The following CSMD1 variants were observed in gnomAD, a reference collection of about 807,000 sequenced individuals.
CSMD1 encodes CUB and Sushi multiple domains 1.
Under a neutral mutation model 417.5 loss-of-function variants are expected in CSMD1, and 213 were observed. That is an observed-to-expected ratio of 0.51 (90% confidence interval 0.46 to 0.57). The LOEUF (loss-of-function observed/expected upper bound fraction) is 0.57. Ranked by LOEUF, CSMD1 falls within the 20% of genes least tolerant of loss-of-function variation. The probability of loss-of-function intolerance (pLI) is 0.00; values close to 1 mark genes in which losing one functional copy is unlikely to be tolerated. For synonymous variants in CSMD1, 2,862 were observed against 1,736.8 expected (o/e 1.65, Z -16.11); for missense variants, 6,923 against 4,529.7 (o/e 1.53, Z -15.17).
intron 3 of CSMD1, among the ~76,000 whole-genome samples, chr8:4,247,794 G>A (rs1292096877): frequency 6.6e-6 from 1 of 152,106 alleles, no homozygotes; most frequent in African/African-American, 2.4e-5. Flanking sequence ...AAAAAGTACT[G>A]TGGGAGCCAA....
In CSMD1 at chr8:4,939,631, A is replaced by G. The variant is rs148780293; in HGVS notation, c.85+54701T>C. On this transcript the variant is annotated intron_variant, in intron 1 of 69. Coordinates refer to ENST00000635120, the MANE Select transcript of CSMD1 (RefSeq NM_033225.6). ...AGCCGAGAGTAGAACGGCCATTAAC[A>G]AGGGCTGGGGGTGAGTGGGAAGGAA... Among the ~76,000 whole-genome samples the G allele has an allele frequency of 5.5e-3, 831 of 152,040 alleles. 7 individuals carry two copies. Among genetic ancestry groups the G allele is most frequent in the African/African-American group, 0.019 (795 of 41,526 alleles).
intron 3 of CSMD1, among the ~76,000 whole-genome samples, chr8:4,320,433 C>A (rs559051358): frequency 6.6e-6 from 1 of 152,100 alleles, no homozygotes; most frequent in East Asian, 1.9e-4. Flanking sequence ...TAGGTAGACA[C>A]GTGCCATGAT....
At chr8:4,623,684 G>A (rs763782817) in intron 2 of CSMD1, among the ~76,000 whole-genome samples, 11 of 152,020 alleles carry the variant, frequency 7.2e-5, no homozygotes, top group Non-Finnish European at 1.3e-4. Flanking sequence ...AAATGTGGAT[G>A]GACCTCAAAA....
chr8:3,813,202 G>C (rs552264077), intron 5 of CSMD1, among the ~76,000 whole-genome samples: 2 of 151,014 alleles, frequency 1.3e-5, no homozygotes, highest in East Asian at 3.9e-4. Context: ...CTTCAGTCAG[G>C]TATCCTTGCT....
At chr8:4,075,319 C>A (rs558980139) in intron 3 of CSMD1, among the ~76,000 whole-genome samples, 6 of 151,930 alleles carry the variant, frequency 3.9e-5, no homozygotes, top group African/African-American at 4.8e-5. Context: ...ACATAAATAC[C>A]TTCACCTAAG....
intron 5 of CSMD1, among the ~76,000 whole-genome samples, chr8:3,977,651 C>T (rs1010270653): frequency 5.9e-5 from 9 of 152,154 alleles, no homozygotes; most frequent in Admixed American, 2.0e-4. Context: ...AAATCTGGAA[C>T]CTTCTCCTTT....
intron 5 of CSMD1, among the ~76,000 whole-genome samples, chr8:3,805,287 G>A (rs966835041): frequency 6.6e-6 from 1 of 152,110 alleles, no homozygotes; most frequent in African/African-American, 2.4e-5. Context: ...GCAGAGGAAG[G>A]AGCCACAGAT....
chr8:3,568,107 AATAT>A (rs1799791897), intron 10 of CSMD1, among the ~76,000 whole-genome samples: 1 of 152,182 alleles, frequency 6.6e-6, no homozygotes, highest in Admixed American at 6.5e-5. Flanking sequence ...TTCCATTATA[AATAT>A]ATAATAAAAC....
chr8:4,280,957 C>G (rs1279501422), intron 3 of CSMD1, among the ~76,000 whole-genome samples: 1 of 152,152 alleles, frequency 6.6e-6, no homozygotes, highest in African/African-American at 2.4e-5. Flanking sequence ...TCCAAACACA[C>G]TTGAAAGTTT....
At chr8:4,538,164 G>C (rs1585221255) in intron 2 of CSMD1, among the ~76,000 whole-genome samples, 1 of 150,780 alleles carries the variant, frequency 6.6e-6, no homozygotes, top group African/African-American at 2.4e-5. Context: ...CATGACTCCG[G>C]TGTAACATGC....
At chr8:3,157,607 C>G (rs1250756212) in intron 39 of CSMD1, among the ~76,000 whole-genome samples, 23 of 152,232 alleles carry the variant, frequency 1.5e-4, no homozygotes, top group Admixed American at 1.5e-3. Context: ...AATTAACAAA[C>G]TGGCCTTCTG....
chr8:3,266,689 C>T (rs900786149), intron 26 of CSMD1, among the ~76,000 whole-genome samples: 12 of 149,706 alleles, frequency 8.0e-5, no homozygotes, highest in Middle Eastern at 3.5e-3. Context: ...GCAGGAGAAC[C>T]GCTTGAACCC....
intron 2 of CSMD1, among the ~76,000 whole-genome samples, chr8:4,603,444 G>A (rs769005645): frequency 2.0e-5 from 3 of 151,994 alleles, no homozygotes; most frequent in Non-Finnish European, 4.4e-5. Context: ...AGAATGTACA[G>A]GAGTTAGCAA....
intron 2 of CSMD1, among the ~76,000 whole-genome samples, chr8:4,524,586 T>TC (rs1446060088): frequency 2.0e-5 from 3 of 150,806 alleles, no homozygotes; most frequent in Non-Finnish European, 4.4e-5. Flanking sequence ...TTTTTTTTTT[T>TC]TGGTTTGGTT....
chr8:4,578,170 T>C (rs1028778708), intron 2 of CSMD1, among the ~76,000 whole-genome samples: 4 of 152,152 alleles, frequency 2.6e-5, no homozygotes, highest in African/African-American at 7.2e-5. Flanking sequence ...GCATTTTTTG[T>C]TCTTTTTTGA....
chr8:4,789,466 C>A (rs535412865), intron 1 of CSMD1, among the ~76,000 whole-genome samples: 1 of 152,072 alleles, frequency 6.6e-6, no homozygotes, highest in Admixed American at 6.5e-5. Context: ...CGCATTTAAA[C>A]GCCTGGCACC....
chr8:4,029,041 A>G (rs1171861302), intron 4 of CSMD1, among the ~76,000 whole-genome samples: 2 of 152,168 alleles, frequency 1.3e-5, no homozygotes, highest in African/African-American at 4.8e-5. Flanking sequence ...ACTTACAATC[A>G]CCTTATCTGA....
At chr8:4,964,740 C>T (rs1431468083) in intron 1 of CSMD1, among the ~76,000 whole-genome samples, 2 of 152,084 alleles carry the variant, frequency 1.3e-5, no homozygotes, top group Non-Finnish European at 2.9e-5. Flanking sequence ...AAAATGAAAA[C>T]TTCTTTGTCA....
rs1432485065 is a variant in CSMD1 at position 3,194,565 on chromosome 8, C to G, written c.5195-4450G>C. On this transcript the variant is annotated intron_variant, in intron 33 of 69. Transcript: ENST00000635120. ...CTCCACGTCCCAGGTTCAAGCAATT[C>G]TCCTGCCTCAGCCTCTCAAGAAGCT... Among the ~76,000 whole-genome samples the G allele has an allele frequency of 2.0e-5, 3 of 151,806 alleles. No homozygotes were observed. The East Asian group carries it at 5.8e-4, about 29-fold the overall frequency.
Sources: gnomAD v4.1 joint callset for allele counts (sites outside exome capture counted in the v4.1 genomes callset) on GRCh38, gnomAD v4.1.1 for gene constraint, MANE v1.5 for transcripts, NCBI Gene and HGNC (gene_info 2026-07-23, HGNC 2026-07-21) for gene names.